Variants in IFT172 observed in about 807,000 individuals in gnomAD.
IFT172 encodes the protein intraflagellar transport 172.
Under a neutral mutation model 248.9 loss-of-function variants are expected in IFT172, and 164 were observed. That is an observed-to-expected ratio of 0.66 (90% CI 0.58 to 0.75). IFT172 has a LOEUF of 0.75. Among genes scored for constraint, IFT172 ranks in the 30% least tolerant of loss-of-function variants. IFT172 has a pLI of 0.00. For synonymous variants in IFT172, 729 were observed against 791.6 expected (o/e 0.92, Z 1.33); for missense variants, 1,950 against 2,192.4 (o/e 0.89, Z 2.21).
chr2:27,471,993 G>A (rs1349654730), intron 15 of IFT172: 3 of 544,114 alleles, frequency 5.5e-6, no homozygotes, highest in Non-Finnish European at 9.7e-6. Context: ...AGCCCAGATT[G>A]TACCACTGCA....
chr2:27,477,334 A>G lies in IFT172; in HGVS notation c.1222-14T>C. On this transcript the variant is annotated splice_polypyrimidine_tract_variant and intron_variant, in intron 12 of 47. Transcript: ENST00000260570. ...GATCATGCATACCTGGGAAAAATGG[A>G]GTTGTTATACGGTGGAAAGGCTACA... is the stretch of plus-strand genomic sequence containing the variant. 1.9e-6 allele frequency: 3 copies of G among 1,606,576 alleles called. No individual in the cohort carries two copies. The highest frequency in any genetic ancestry group is 8.5e-7 in the Non-Finnish European group (1 of 1,173,120).
intron 8 of IFT172, among the ~76,000 whole-genome samples, chr2:27,480,449 G>A (rs2148548782): frequency 6.6e-6 from 1 of 152,242 alleles, no homozygotes; most frequent in East Asian, 1.9e-4. Flanking sequence ...ATAAATGGTA[G>A]GAGTCAGTGA....
intron 1 of IFT172, 64 bp downstream of exon 1, chr2:27,489,551 C>T (rs1669013519): frequency 2.4e-6 from 3 of 1,253,546 alleles, no homozygotes; most frequent in Non-Finnish European, 3.5e-6. Context: ...CATTAAACTT[C>T]AGTTCCCCCA....
chr2:27,445,906 C>G lies in IFT172; in HGVS notation c.4815+23G>C, dbSNP rs181365583. On this transcript the variant is annotated intron_variant, in intron 44 of 47. Transcript: ENST00000260570. The surrounding 1 kb of genome is among the most constrained non-coding windows in gnomAD (Gnocchi z 4.4). ...CGCGACTGGCAAAAACCTCCACCCT[C>G]GGGGCACAGCTTCCCTACTCACATC... 4.1e-5 allele frequency: 66 copies of G among 1,614,060 alleles called. No homozygotes were observed. Among genetic ancestry groups the G allele is most frequent in the Non-Finnish European group, 5.4e-5 (64 of 1,180,028 alleles).
chr2:27,488,185 C>G (rs952641022), intron 1 of IFT172, among the ~76,000 whole-genome samples: 4 of 151,614 alleles, frequency 2.6e-5, no homozygotes, highest in African/African-American at 9.7e-5. Flanking sequence ...CAAAGTCTCA[C>G]TCTTGTCCCC....
chr2:27,485,293 C>T, intron 2 of IFT172, 67 bp downstream of exon 2: 1 of 1,604,318 alleles, frequency 6.2e-7, no homozygotes, highest in Non-Finnish European at 8.5e-7. Flanking sequence ...AGAAGGCAGA[C>T]TACGTCTTTC....
chr2:27,468,272 G>T (rs545507194), intron 16 of IFT172, among the ~76,000 whole-genome samples: 1 of 151,166 alleles, frequency 6.6e-6, no homozygotes, highest in South Asian at 2.1e-4. Context: ...TTACTCTGTC[G>T]TTCAGGCTGG....
Position 27,461,514 on chromosome 2 carries a change from G to A in IFT172, c.2197C>T (p.His733Tyr), listed in dbSNP as rs774487712. 6.2e-7 allele frequency: 1 copy of A among 1,613,714 alleles called. No individual in the cohort carries two copies. Among genetic ancestry groups the A allele is most frequent in the Non-Finnish European group, 8.5e-7 (1 of 1,179,670 alleles). The change falls in exon 22 of 48, where the codon CAC (histidine) becomes TAC (tyrosine). Residue 733 changes from histidine (H) to tyrosine (Y), a missense_variant. Coordinates refer to ENST00000260570, the MANE Select transcript of IFT172 (RefSeq NM_015662.3). ...CGACGTAGCTTCTCCAGGGCTGGGT[G>A]CCCCTGGACATGCACAGAGGACAAC... ...ECIAVAEAKG[H>Y]PALEKLRRSY...
intron 35 of IFT172, among the ~76,000 whole-genome samples, chr2:27,452,375 C>T (rs1665755581): frequency 6.6e-6 from 1 of 152,190 alleles, no homozygotes; most frequent in South Asian, 2.1e-4. Context: ...TTTCAGTTTG[C>T]CAGCTCACCT....
intron 14 of IFT172, among the ~76,000 whole-genome samples, chr2:27,475,043 CT>C (rs1188048373): frequency 6.6e-6 from 1 of 152,012 alleles, no homozygotes; most frequent in Non-Finnish European, 1.5e-5. Context: ...GGAAGAGACA[CT>C]CTGATTTTAA....
chr2:27,455,792 T>C (rs1052834415), intron 30 of IFT172: 1 of 480,852 alleles, frequency 2.1e-6, no homozygotes, highest in Non-Finnish European at 3.9e-6. Flanking sequence ...ACAACCTCAG[T>C]TGGCATCATG....
intron 15 of IFT172, 79 bp from the exon 16 acceptor site, chr2:27,471,174 T>A: frequency 7.2e-7 from 1 of 1,391,878 alleles, no homozygotes. Context: ...TTCCTAATGG[T>A]GAGATGTGGT....
rs748486924 is a variant in IFT172, at chr2:27,445,312, C to A, written c.5052G>T (p.Leu1684=). ...CTTCTATACCTGTAATAAGGCAGGG[C>A]AGGGCTCGAACACCAGTGCTCGCTG... ...LVAASTGVRA[L]PCLITGYPIL... The change falls in exon 46 of 48, where the codon CTG becomes CTT. Residue 1684 remains leucine (L), a synonymous_variant. Transcript: ENST00000260570. The surrounding 1 kb of genome is among the most constrained non-coding windows in gnomAD (Gnocchi z 4.4). 18 of 1,612,734 alleles carry A rather than the reference C, an allele frequency of 1.1e-5. No homozygotes were observed. The highest frequency in any genetic ancestry group is 1.4e-5 in the Non-Finnish European group (17 of 1,179,370).
At chr2:27,452,512 A>C (rs1405268561) in intron 35 of IFT172, among the ~76,000 whole-genome samples, 3 of 152,212 alleles carry the variant, frequency 2.0e-5, no homozygotes, top group Admixed American at 2.0e-4. Flanking sequence ...TGTTCTGAGA[A>C]ATGTGTCCTT....
intron 26 of IFT172, 144 bp downstream of exon 26, chr2:27,458,635 G>C: frequency 1.2e-6 from 1 of 836,424 alleles, no homozygotes; most frequent in South Asian, 1.8e-5. Context: ...CCTATGGCTA[G>C]GGATCAAAGT....
At chr2:27,448,033 G>C in intron 40 of IFT172, 111 bp from the exon 41 acceptor site, 1 of 665,550 alleles carries the variant, frequency 1.5e-6, no homozygotes, top group Non-Finnish European at 2.7e-6. Context: ...AAATGGGTAT[G>C]TGTGTGTGTG....
intron 12 of IFT172, 49 bp from the exon 13 acceptor site, chr2:27,477,369 A>T (rs944851282): frequency 4.6e-6 from 7 of 1,512,678 alleles, no homozygotes; most frequent in Non-Finnish European, 6.4e-6. Flanking sequence ...ATGAAGAAAA[A>T]CAGTAGTGGG....
At position 27,444,460 on chromosome 2, in the gene IFT172, AG is replaced by A; in HGVS notation, c.5221del (p.Leu1741SerfsTer12). 6.2e-7 allele frequency: 1 copy of A among 1,613,340 alleles called. No homozygotes were observed. The part of the protein sequence containing the change: ...LKFISQWCGG[L>X]PSTSFSFQ Reference sequence around the variant, plus strand: ...CTGAAAGGAAAAGCTGGTGCTGGGGAGCCCTCCACACCACTGACTGATGAAT... The same window carrying A: ...CTGAAAGGAAAAGCTGGTGCTGGGGACCCTCCACACCACTGACTGATGAAT... On this transcript the variant is annotated frameshift_variant, in exon 48 of 48. Transcript: ENST00000260570. LOFTEE classifies it high-confidence loss of function.
chr2:27,447,398 CAG>C (rs1309078099), intron 42 of IFT172, 115 bp downstream of exon 42: 1 of 1,408,556 alleles, frequency 7.1e-7, no homozygotes, highest in African/African-American at 1.4e-5. Context: ...AGCTGAAAGA[CAG>C]GTGGGGAGAT....
Sources: allele counts gnomAD v4.1 joint callset (sites outside exome capture counted in the v4.1 genomes callset), GRCh38; gene constraint gnomAD v4.1.1; non-coding constraint Gnocchi (gnomAD v3.1); transcripts MANE v1.5; gene names NCBI Gene and HGNC (gene_info 2026-07-23, HGNC 2026-07-21).